Variants in DHX16 observed in about 807,000 individuals in gnomAD.
The protein encoded by DHX16 is DEAH-box helicase 16.
A neutral mutation model predicts 131.2 loss-of-function variants in DHX16; 81 were observed. That is an observed-to-expected ratio of 0.62 (90% CI 0.52 to 0.74). DHX16 has a LOEUF of 0.74. Ranked by LOEUF, DHX16 falls within the 30% of genes least tolerant of loss-of-function variation. The pLI, the probability that DHX16 is intolerant of heterozygous loss-of-function variation, is 0.00. For synonymous variants in DHX16, 440 were observed against 520.2 expected, an observed-to-expected ratio of 0.85 and a Z score of 2.10; for missense variants, 980 against 1,363.1, an observed-to-expected ratio of 0.72 and a Z score of 4.43.
intron 12 of DHX16, among the ~76,000 whole-genome samples, chr6:30,658,521 C>T (rs888632375): frequency 7.0e-6 from 1 of 143,000 alleles, no homozygotes; most frequent in South Asian, 2.2e-4. Flanking sequence ...CCAGCCTGGG[C>T]GACAGAGTGA....
In DHX16 at chr6:30,656,234, T is replaced by C; in HGVS notation, c.2462A>G (p.Asp821Gly). ...SGRKMAELPV[D>G]PMLSKMILAS... The stretch of plus-strand genomic sequence containing the variant: ...TAAGATCATTTTGGACAGCATGGGG[T>C]CCACCGGCAGCTCTGCCATCTTTCG... Residue 821 changes from aspartate (D) to glycine (G), a missense_variant, in exon 16 of 20, where the codon GAC becomes GGC. This residue lies in a region of DHX16 where 309 missense variants were observed against 537.1 expected (regional missense o/e 0.58). Coordinates refer to ENST00000376442, the MANE Select transcript of DHX16 (RefSeq NM_003587.5). The surrounding 1 kb of genome is among the most constrained non-coding windows in gnomAD (Gnocchi z 5.1). 1 of 1,613,344 alleles carries C rather than the reference T, an allele frequency of 6.2e-7. No individual in the cohort carries two copies. Among genetic ancestry groups the C allele is most frequent in the Non-Finnish European group, 8.5e-7 (1 of 1,179,972 alleles).
At chr6:30,659,421 T>C (rs776938500) in intron 12 of DHX16, 51 bp downstream of exon 12, 6 of 1,545,106 alleles carry the variant, frequency 3.9e-6, no homozygotes, top group Non-Finnish European at 5.3e-6. Flanking sequence ...GCTTTTTCAC[T>C]ACTAGTTGTG....
In DHX16 at chr6:30,659,761, T is replaced by G; in HGVS notation, c.1829A>C (p.Asp610Ala). 1 of 1,614,074 alleles carries G rather than the reference T, an allele frequency of 6.2e-7. No individual in the cohort carries two copies. The highest frequency in any genetic ancestry group is 8.5e-7 in the Non-Finnish European group (1 of 1,180,008). The part of the protein sequence containing the change: ...LQIHVTQPPG[D>A]ILVFLTGQEE... ...CTGTCCTGTCAGGAACACCAGGATA[T>G]CCCCAGGGGGCTGGGTCACATGGAT... The change falls in exon 11 of 20, where the codon GAT (aspartate) becomes GCT (alanine). Residue 610 changes from aspartate (D) to alanine (A), a missense_variant. By Grantham distance (126) the Asp-to-Ala change is moderately radical. This residue lies in a region of DHX16 where 309 missense variants were observed against 537.1 expected (regional missense o/e 0.58). Transcript: ENST00000376442.
intron 4 of DHX16, among the ~76,000 whole-genome samples, chr6:30,667,076 G>GAC (rs945046367): frequency 6.6e-6 from 1 of 151,888 alleles, no homozygotes; most frequent in African/African-American, 2.4e-5. Flanking sequence ...AGTCCAATTT[G>GAC]ACACACACAA....
Position 30,672,760 on chromosome 6 carries a change from G to A in DHX16, c.82C>T (p.Gln28Ter), listed in dbSNP as rs764895636. ...CGCTGTGCGGTACCGATCAGAAACTGGGCGACGTGCCGCTCGCTCAGCCCC... is the reference window on the plus strand; with the variant it reads ...CGCTGTGCGGTACCGATCAGAAACTAGGCGACGTGCCGCTCGCTCAGCCCC... ...VLGLSERHVA[Q>*]FLIGTAQRCT... The change falls in exon 1 of 20, where the codon CAG (glutamine) becomes TAG (stop). Residue 28 changes from glutamine (Q) to a stop codon, truncating the protein, a stop_gained. Coordinates refer to ENST00000376442, the MANE Select transcript of DHX16 (RefSeq NM_003587.5). LOFTEE classifies it high-confidence loss of function. 2.5e-6 allele frequency: 4 copies of A among 1,612,932 alleles called. No homozygotes were observed. The highest frequency in any genetic ancestry group is 1.3e-5 in the African/African-American group (1 of 74,926).
rs1251894960 is a variant in DHX16 at position 30,654,676 on chromosome 6, AC to A, written c.2997+29del. The stretch of plus-strand genomic sequence containing the variant: ...GACACCATCTCTCTACATAGTCTCC[AC>A]CTGCGTGGGCACAGGATGTTCTCCT... On this transcript the variant is annotated intron_variant, in intron 19 of 19. Transcript: ENST00000376442. The A allele has an allele frequency of 8.2e-6, 13 of 1,591,282 alleles. No homozygotes were observed. In the African/African-American group the frequency reaches 1.3e-4, roughly 16 times the overall value.
At chr6:30,660,408 A>G (rs1768400960) in intron 9 of DHX16, 166 bp from the exon 10 acceptor site, 1 of 523,122 alleles carries the variant, frequency 1.9e-6, no homozygotes. Context: ...ATGTAGAGCA[A>G]CAGAAAGTCA....
In DHX16 at chr6:30,656,129, G is replaced by T; in HGVS notation, c.2498+69C>A. ...GATGAACAGAAAAAGACAGACAAAG[G>T]GGACCCTGGAGACAGAGGAGGCCTG... On this transcript the variant is annotated intron_variant, in intron 16 of 19. Coordinates refer to ENST00000376442, the MANE Select transcript of DHX16 (RefSeq NM_003587.5). This position sits in a 1 kb window ranked among gnomAD's most constrained non-coding sequence, Gnocchi z 5.1. 1 of 1,445,256 alleles carries T rather than the reference G, an allele frequency of 6.9e-7. No homozygotes were observed. Among genetic ancestry groups the T allele is most frequent in the Non-Finnish European group, 9.7e-7 (1 of 1,034,302 alleles). 89.5% of individuals were successfully genotyped at this position (1,445,256 alleles called of 1,614,324 possible). A position where few individuals can be genotyped will look rare whatever the true frequency, so the allele number is the denominator to read the frequency against.
At chr6:30,655,049 G>A in intron 18 of DHX16, 126 bp downstream of exon 18, 1 of 1,433,660 alleles carries the variant, frequency 7.0e-7, no homozygotes, top group Non-Finnish European at 9.6e-7. Context: ...GGCCCTGGGA[G>A]GACACGTCAT....
In DHX16 at chr6:30,672,687, G is replaced by A. The variant is rs375439029; in HGVS notation, c.155C>T (p.Thr52Ile). Residue 52 changes from threonine to isoleucine, a missense_variant, in exon 1 of 20, where the codon ACC (threonine) becomes ATC (isoleucine). Physicochemically the swap from Thr to Ile is moderately conservative, Grantham distance 89. Around this residue, in one of 3 missense-constraint regions of DHX16, gnomAD observed 457 missense variants for 554.8 expected, o/e 0.82. Transcript: ENST00000376442. ...CCGGGCCGGCCCACTGAGATCCAAG[G>A]TATCAGTGTCTCGTAGGCGCTGCAC... ...EFVQRLRDTDTLDLSGPARDF... is the reference protein window; with the variant it reads ...EFVQRLRDTDILDLSGPARDF... The A allele has an allele frequency of 1.9e-6, 3 of 1,612,890 alleles. No homozygotes were observed. The highest frequency in any genetic ancestry group is 2.7e-5 in the African/African-American group (2 of 74,916).
chr6:30,654,281 C>T (rs1767744157), intron 19 of DHX16, among the ~76,000 whole-genome samples: 4 of 151,866 alleles, frequency 2.6e-5, no homozygotes, highest in Admixed American at 1.3e-4. Flanking sequence ...GAAAGGATGT[C>T]TTTGGGCTGG....
In DHX16 at chr6:30,665,278, C is replaced by T. The variant is rs145506836; in HGVS notation, c.922-4G>A. On this transcript the variant is annotated splice_polypyrimidine_tract_variant and splice_region_variant and intron_variant, in intron 5 of 19. Transcript: ENST00000376442. The surrounding 1 kb of genome is among the most constrained non-coding windows in gnomAD (Gnocchi z 4.8). ...CTAGATCCACAGCTCGGGCTGGCTACAGAGAGAGGGGATATGTGAAGACTC... is the reference window on the plus strand; with the variant it reads ...CTAGATCCACAGCTCGGGCTGGCTATAGAGAGAGGGGATATGTGAAGACTC... 6.4e-4 allele frequency: 1,029 copies of T among 1,601,668 alleles called. 3 individuals are homozygous for T. The highest frequency in any genetic ancestry group is 4.2e-3 in the Middle Eastern group (25 of 5,946).
Position 30,655,504 on chromosome 6 carries a change from A to G in DHX16, c.2592T>C (p.Ala864=), listed in dbSNP as rs1767896115. The G allele has an allele frequency of 1.2e-6, 2 of 1,613,216 alleles. No individual in the cohort carries two copies. The highest frequency in any genetic ancestry group is 2.2e-5 in the East Asian group (1 of 44,892). The change falls in exon 17 of 20, where the codon GCT becomes GCC. Residue 864 remains alanine, a synonymous_variant. Transcript: ENST00000376442. ...GAAAGAAGTTGACACGGGCATTGTC[A>G]GCATGGACGACCTTGTCCTTTGGTC... The part of the protein sequence containing the change: ...FYRPKDKVVH[A]DNARVNFFLP...
At chr6:30,661,947 C>T (rs1012446761) in intron 9 of DHX16, 6 of 708,256 alleles carry the variant, frequency 8.5e-6, no homozygotes, top group Non-Finnish European at 1.6e-5. Flanking sequence ...CAGAAATTCA[C>T]AGCCTCTGAA....
At chr6:30,671,469 T>G (rs1450109518) in intron 1 of DHX16, among the ~76,000 whole-genome samples, 195 bp from the exon 2 acceptor site, 2 of 152,168 alleles carry the variant, frequency 1.3e-5, no homozygotes, top group Admixed American at 6.6e-5. Flanking sequence ...TGCCTCAGCC[T>G]CCCAAGTAGC....
At position 30,656,565 on chromosome 6, in the gene DHX16, C is replaced by T; in HGVS notation, c.2311+32G>A. 6.2e-7 allele frequency: 1 copy of T among 1,614,116 alleles called. No individual in the cohort carries two copies. The highest frequency in any genetic ancestry group is 8.5e-7 in the Non-Finnish European group (1 of 1,179,992). On this transcript the variant is annotated intron_variant, in intron 14 of 19. Coordinates refer to ENST00000376442, the MANE Select transcript of DHX16 (RefSeq NM_003587.5). This position sits in a 1 kb window ranked among gnomAD's most constrained non-coding sequence, Gnocchi z 5.1. ...TCCCTTCAAAGGACAGTGACTCCAG[C>T]CCCTCCCTCCTCTCTCAGGTAGCCC...
At position 30,662,133 on chromosome 6, in the gene DHX16, AG is replaced by A; in HGVS notation, c.1544+493del. ...ACTTGTGTGGAGGGCCAAGACCCAG[AG>A]TCCAACCACTCTGACAGGCCCTGCA... On this transcript the variant is annotated intron_variant, in intron 9 of 19. Transcript: ENST00000376442. The surrounding 1 kb of genome is among the most constrained non-coding windows in gnomAD (Gnocchi z 4.7). 3.9e-6 allele frequency: 2 copies of A among 517,722 alleles called. No individual in the cohort carries two copies. Among genetic ancestry groups the A allele is most frequent in the South Asian group, 4.4e-5 (2 of 45,724 alleles). The allele number at this position is 517,722 out of a possible 1,614,324, so 32.1% of individuals were successfully genotyped here. A position where few individuals can be genotyped will look rare whatever the true frequency, so the allele number is the denominator to read the frequency against.
In DHX16 at chr6:30,656,882, C is replaced by A. The variant is rs1304950715; in HGVS notation, c.2148+70G>T. ...CCCGGTTCCCTAGGAAGCCCCCACC[C>A]TGCTTCTGAGTTGGACCTTCTCTGT... On this transcript the variant is annotated intron_variant, in intron 13 of 19. Transcript: ENST00000376442. This position sits in a 1 kb window ranked among gnomAD's most constrained non-coding sequence, Gnocchi z 5.1. 6.3e-7 allele frequency: 1 copy of A among 1,589,558 alleles called. No homozygotes were observed. The highest frequency in any genetic ancestry group is 1.3e-5 in the African/African-American group (1 of 74,498).
chr6:30,654,457 T>G (rs1268762420), intron 19 of DHX16, among the ~76,000 whole-genome samples: 1 of 151,844 alleles, frequency 6.6e-6, no homozygotes, highest in African/African-American at 2.4e-5. Context: ...GGCTGAGGCA[T>G]GAGAATCTCT....
Sources: allele counts gnomAD v4.1 joint callset (sites outside exome capture counted in the v4.1 genomes callset), GRCh38; gene constraint gnomAD v4.1.1; regional missense constraint gnomAD v4.1.1; non-coding constraint Gnocchi (gnomAD v3.1); transcripts MANE v1.5; gene names NCBI Gene and HGNC (gene_info 2026-07-23, HGNC 2026-07-21).